The following ANKRD18A variants were observed in gnomAD, a reference collection of about 807,000 sequenced individuals.
ANKRD18A encodes ankyrin repeat domain-containing protein 18A.
Under a neutral mutation model 110.6 loss-of-function variants are expected in ANKRD18A, and 72 were observed. The observed-to-expected ratio is 0.65, with a 90% CI of 0.54 to 0.79. The LOEUF (loss-of-function observed/expected upper bound fraction) is 0.79, where lower values mean the gene tolerates loss of function less well. ANKRD18A is among the 30% of genes least tolerant of loss of function. The probability of loss-of-function intolerance (pLI) is 0.00; values close to 1 mark genes in which losing one functional copy is unlikely to be tolerated. For synonymous variants in ANKRD18A, 305 were observed against 410.3 expected, an observed-to-expected ratio of 0.74 and a Z score of 3.10; for missense variants, 934 against 1,163.3, an observed-to-expected ratio of 0.80 and a Z score of 2.87.
At position 38,571,865 on chromosome 9, in the gene ANKRD18A, A is replaced by G; in HGVS notation, c.*180T>C. The G allele has an allele frequency of 7.7e-7, 1 of 1,300,972 alleles. No homozygotes were observed. The highest frequency in any genetic ancestry group is 9.8e-7 in the Non-Finnish European group (1 of 1,015,246). 80.6% of individuals were successfully genotyped at this position (1,300,972 alleles called of 1,614,324 possible). On this transcript the variant is annotated 3_prime_UTR_variant, in exon 16 of 16. Transcript: ENST00000399703. ...TGACATGAAAATATTCTACTTTAGT[A>G]AAGATTATGATGTTTTATATTATAT...
chr9:38,596,806 C>T (rs1429775898), intron 8 of ANKRD18A, among the ~76,000 whole-genome samples: 1 of 152,138 alleles, frequency 6.6e-6, no homozygotes, highest in South Asian at 2.1e-4. Context: ...ACCTTTACCT[C>T]GACATCTATT....
In ANKRD18A at chr9:38,596,268, C is replaced by T. The variant is rs1261411595; in HGVS notation, c.1072G>A (p.Glu358Lys). 13 of 1,539,646 alleles carry T rather than the reference C, an allele frequency of 8.4e-6. No homozygotes were observed. The highest frequency in any genetic ancestry group is 1.1e-5 in the Non-Finnish European group (13 of 1,143,742). ...SLRKEKKYIQ[E>K]IKSITEINAN... Reference sequence around the variant, plus strand: ...TTTATTTCTGTAATGCTTTTAATTTCCTGAATATATTTCTTTTCCTTTCTG... The same window carrying T: ...TTTATTTCTGTAATGCTTTTAATTTTCTGAATATATTTCTTTTCCTTTCTG... Residue 358 changes from glutamate (E) to lysine (K), a missense_variant, in exon 9 of 16, where the codon GAA becomes AAA. This residue lies in a region of ANKRD18A where 630 missense variants were observed against 797.5 expected (regional missense o/e 0.79). Transcript: ENST00000399703.
Position 38,620,505 on chromosome 9 carries a change from A to G in ANKRD18A, c.-220T>C. 2.9e-6 allele frequency: 4 copies of G among 1,383,954 alleles called. No homozygotes were observed. The highest frequency in any genetic ancestry group is 3.8e-6 in the Non-Finnish European group (4 of 1,066,104). 85.7% of individuals were successfully genotyped at this position (1,383,954 alleles called of 1,614,324 possible). A position where few individuals can be genotyped will look rare whatever the true frequency, so the allele number is the denominator to read the frequency against. On this transcript the variant is annotated 5_prime_UTR_variant, in exon 1 of 16. Transcript: ENST00000399703. ...GTCCACCACAGCCTTCAGCAGCGAC[A>G]CTCGCAGACTCCGACCTCTCAGACC...
Position 38,578,073 on chromosome 9 carries a change from G to A in ANKRD18A, c.2323C>T (p.His775Tyr), listed in dbSNP as rs1205882776. ...VNLAKDNEVL[H>Y]QELLSMRNVQ... ...TTTCTCATAGATAATAACTCCTGAT[G>A]AAGAACTTCATTGTCTTTGGCCAAA... The change falls in exon 13 of 16, where the codon CAT becomes TAT. Residue 775 changes from histidine to tyrosine, a missense_variant. His to Tyr is a moderately conservative substitution (Grantham distance 83). Around this residue, in one of 4 missense-constraint regions of ANKRD18A, gnomAD observed 79 missense variants for 122.8 expected, o/e 0.64. Coordinates refer to ENST00000399703, the MANE Select transcript of ANKRD18A (RefSeq NM_147195.4). 3 of 1,550,530 alleles carry A rather than the reference G, an allele frequency of 1.9e-6. No homozygotes were observed. Among genetic ancestry groups the A allele is most frequent in the Non-Finnish European group, 2.6e-6 (3 of 1,146,466 alleles).
At chr9:38,602,077 G>A (rs1258891582) in intron 7 of ANKRD18A, among the ~76,000 whole-genome samples, 2 of 149,398 alleles carry the variant, frequency 1.3e-5, no homozygotes, top group East Asian at 1.9e-4. Flanking sequence ...ACGTACACAG[G>A]TGTCTCCTTT....
intron 9 of ANKRD18A, 111 bp from the exon 10 acceptor site, chr9:38,594,020 A>G (rs1824767044): frequency 5.2e-6 from 6 of 1,146,608 alleles, no homozygotes; most frequent in Non-Finnish European, 7.0e-6. Context: ...ACACAGATTC[A>G]CTTTCTTTTC....
intron 12 of ANKRD18A, among the ~76,000 whole-genome samples, chr9:38,582,033 A>G (rs1305528332): frequency 6.6e-6 from 1 of 152,240 alleles, no homozygotes. Flanking sequence ...ACAAGATGCC[A>G]GGTGGAAAGA....
chr9:38,618,567 T>C (rs561417039), intron 1 of ANKRD18A, among the ~76,000 whole-genome samples: 176 of 152,316 alleles, frequency 1.2e-3, no homozygotes, highest in Non-Finnish European at 1.9e-3. Context: ...CATATACATT[T>C]TTAAAATGTG....
chr9:38,596,494 T>A (rs1309726052), intron 8 of ANKRD18A, 91 bp from the exon 9 acceptor site: 46 of 1,169,078 alleles, frequency 3.9e-5, no homozygotes, highest in Non-Finnish European at 1.0e-5. Flanking sequence ...TATACATTCA[T>A]GCAATTAAAA....
intron 11 of ANKRD18A, among the ~76,000 whole-genome samples, chr9:38,588,178 T>A (rs1252812569): frequency 2.0e-5 from 3 of 152,220 alleles, no homozygotes; most frequent in African/African-American, 7.2e-5. Context: ...TTTTTTCACA[T>A]ATTTTTAATA....
the ANKRD18A span, chr9:38,566,195 A>T: frequency 6.6e-6 from 1 of 152,242 alleles, no homozygotes; most frequent in Non-Finnish European, 1.5e-5. Flanking sequence ...TCACATTGCA[A>T]AATACAATCA....
intron 4 of ANKRD18A, among the ~76,000 whole-genome samples, chr9:38,610,629 T>C (rs1441725106): frequency 6.6e-6 from 1 of 152,216 alleles, no homozygotes; most frequent in Admixed American, 6.5e-5. Context: ...GCAAACTTCG[T>C]GTCCCATTGG....
intron 1 of ANKRD18A, among the ~76,000 whole-genome samples, chr9:38,617,908 T>C (rs1825923364): frequency 6.6e-6 from 1 of 152,214 alleles, no homozygotes; most frequent in South Asian, 2.1e-4. Flanking sequence ...ATTTTTGTGA[T>C]AGTAATAATA....
chr9:38,598,719 G>T lies in ANKRD18A; in HGVS notation c.937-2316C>A, dbSNP rs1261973910. 2.0e-5 allele frequency among the ~76,000 whole-genome samples: 3 copies of T among 152,190 alleles called. No homozygotes were observed. The East Asian group carries it at 5.8e-4, about 29-fold the overall frequency. ...TTTTATAGATATTAGCAGTGGGACT[G>T]TCATATGTGGGTCCCTGAAACACAC... On this transcript the variant is annotated intron_variant, in intron 8 of 15. Transcript: ENST00000399703.
chr9:38,567,063 A>T (rs1471156526), downstream of ANKRD18A: 3 of 152,136 alleles, frequency 2.0e-5, no homozygotes, highest in Non-Finnish European at 2.9e-5. Context: ...CTTCTTTGAG[A>T]CTCTTCACAG....
chr9:38,571,057 G>T, downstream of ANKRD18A: 1 of 1,428,578 alleles, frequency 7.0e-7, no homozygotes, highest in Non-Finnish European at 9.2e-7. Context: ...CCTTGAGGCT[G>T]AGCCAGGGAC....
At chr9:38,574,974 G>A (rs1444231712) in intron 15 of ANKRD18A, among the ~76,000 whole-genome samples, 2 of 151,642 alleles carry the variant, frequency 1.3e-5, no homozygotes, top group Non-Finnish European at 2.9e-5. Context: ...GACACCTGTA[G>A]TCCCAGCTAC....
rs527434932 is a variant in ANKRD18A, at chr9:38,586,016, G to T, written c.2247+167C>A. ...ACACCGGGGCTTGTTGGGGTCAGGA[G>T]GGAGAGCATCAAGATTAATAGCTAA... is the stretch of plus-strand genomic sequence containing the variant. On this transcript the variant is annotated intron_variant, in intron 12 of 15. Coordinates refer to ENST00000399703, the MANE Select transcript of ANKRD18A (RefSeq NM_147195.4). Among the ~76,000 whole-genome samples, 29 of 152,280 alleles carry T rather than the reference G, an allele frequency of 1.9e-4. No individual in the cohort carries two copies. In the South Asian group the frequency reaches 6.0e-3, roughly 32 times the overall value.
At chr9:38,603,276 C>T in intron 6 of ANKRD18A, 64 bp from the exon 7 acceptor site, 1 of 1,546,526 alleles carries the variant, frequency 6.5e-7, no homozygotes, top group Non-Finnish European at 8.7e-7. Flanking sequence ...GCCTCCTTAC[C>T]TGGCAAAGTT....
Sources: gnomAD v4.1 joint callset for allele counts (sites outside exome capture counted in the v4.1 genomes callset) on GRCh38, gnomAD v4.1.1 for gene constraint, gnomAD v4.1.1 regional missense constraint, MANE v1.5 for transcripts, NCBI Gene and HGNC (gene_info 2026-07-23, HGNC 2026-07-21) for gene names.